The following KCNMA1 variants were observed in gnomAD, a reference collection of about 807,000 sequenced individuals.
KCNMA1 encodes Calcium-activated potassium channel subunit alpha-1.
KCNMA1 carries 29 observed loss-of-function variants against 140.0 expected under a neutral mutation model. The ratio of observed to expected loss-of-function variants is 0.21; its 90% CI spans 0.15 to 0.28. The LOEUF is 0.28. Among genes scored for constraint, KCNMA1 ranks in the 10% least tolerant of loss-of-function variants. The pLI is 1.00. For missense variants in KCNMA1, 880 were observed against 1,602.2 expected (o/e 0.55, Z 7.70); for synonymous variants, 612 against 611.9 (o/e 1.00, Z 0.00).
At chr10:76,984,886 A>G (rs2080777871) in intron 19 of KCNMA1, among the ~76,000 whole-genome samples, 3 of 152,238 alleles carry the variant, frequency 2.0e-5, no homozygotes, top group South Asian at 2.1e-4. Flanking sequence ...CAACAGTTTT[A>G]GATATTTATT....
At chr10:77,428,284 A>AAGAAAGG (rs2097070555) in intron 1 of KCNMA1, among the ~76,000 whole-genome samples, 1 of 152,156 alleles carries the variant, frequency 6.6e-6, no homozygotes, top group Non-Finnish European at 1.5e-5. Flanking sequence ...CCTGCTCATC[A>AAGAAAGG]CTGCCTATGT....
At chr10:77,443,856 AGG>A (rs2097464161) in intron 1 of KCNMA1, among the ~76,000 whole-genome samples, 1 of 152,240 alleles carries the variant, frequency 6.6e-6, no homozygotes, top group Admixed American at 6.5e-5. Flanking sequence ...ATAGATCAGT[AGG>A]GTGACTATAG....
chr10:77,623,821 G>C (rs2091999848), intron 1 of KCNMA1, among the ~76,000 whole-genome samples: 1 of 152,166 alleles, frequency 6.6e-6, no homozygotes, highest in Non-Finnish European at 1.5e-5. Flanking sequence ...ATTGCAGCAA[G>C]TCCTACACAA....
intron 3 of KCNMA1, among the ~76,000 whole-genome samples, chr10:77,244,888 C>T (rs952505388): frequency 7.9e-5 from 12 of 152,178 alleles, no homozygotes; most frequent in Non-Finnish European, 1.8e-4. Context: ...GTGGGCTCGG[C>T]TCCTCTACCA....
At chr10:77,248,028 T>C (rs1443162964) in intron 3 of KCNMA1, among the ~76,000 whole-genome samples, 1 of 152,102 alleles carries the variant, frequency 6.6e-6, no homozygotes, top group African/African-American at 2.4e-5. Flanking sequence ...CTTTGCCTAA[T>C]GGCCAAAAAT....
At chr10:77,340,514 T>G (rs1326710524) in intron 2 of KCNMA1, among the ~76,000 whole-genome samples, 3 of 152,100 alleles carry the variant, frequency 2.0e-5, no homozygotes, top group Non-Finnish European at 2.9e-5. Flanking sequence ...ATATACACCA[T>G]GGAACACTAT....
intron 1 of KCNMA1, among the ~76,000 whole-genome samples, chr10:77,452,566 C>T (rs1757030715): frequency 6.6e-6 from 1 of 152,164 alleles, no homozygotes; most frequent in African/African-American, 2.4e-5. Context: ...TCCTTTCATG[C>T]GATGGAGGTT....
At chr10:77,609,618 A>G (rs906199408) in intron 1 of KCNMA1, among the ~76,000 whole-genome samples, 1 of 152,244 alleles carries the variant, frequency 6.6e-6, no homozygotes, top group African/African-American at 2.4e-5. Context: ...TAGGTATATG[A>G]GATAATGCAT....
intron 3 of KCNMA1, among the ~76,000 whole-genome samples, chr10:77,202,712 T>C (rs1230741151): frequency 1.3e-5 from 2 of 152,136 alleles, no homozygotes; most frequent in African/African-American, 4.8e-5. Context: ...AGAAGAGATG[T>C]TTTGGAGTAT....
At chr10:77,541,723 T>C (rs936737007) in intron 1 of KCNMA1, among the ~76,000 whole-genome samples, 2 of 152,128 alleles carry the variant, frequency 1.3e-5, no homozygotes, top group Admixed American at 6.5e-5. Flanking sequence ...TGGTTCTCAG[T>C]CTTGGAAGCA....
intron 14 of KCNMA1, chr10:77,071,765 A>C (rs1384289522): frequency 2.0e-5 from 3 of 152,212 alleles, no homozygotes; most frequent in Non-Finnish European, 2.9e-5. Flanking sequence ...ATCCCTTGCT[A>C]TCAGTGTTGC....
chr10:77,335,447 G>A (rs1037810576), intron 2 of KCNMA1, among the ~76,000 whole-genome samples: 4 of 152,170 alleles, frequency 2.6e-5, no homozygotes, highest in African/African-American at 9.7e-5. Context: ...CTCAACCCTA[G>A]CATCCATCAG....
chr10:77,007,949 C>T (rs372293590), intron 18 of KCNMA1, among the ~76,000 whole-genome samples: 3 of 151,890 alleles, frequency 2.0e-5, no homozygotes, highest in African/African-American at 4.8e-5. Context: ...GGCCAGAGCC[C>T]GGGGACTGGG....
intron 2 of KCNMA1, among the ~76,000 whole-genome samples, chr10:77,266,898 T>C (rs368275989): frequency 7.2e-5 from 11 of 152,338 alleles, no homozygotes; most frequent in African/African-American, 2.6e-4. Flanking sequence ...AGCTTTGTGC[T>C]AAGCCTGAAT....
intron 2 of KCNMA1, among the ~76,000 whole-genome samples, chr10:77,403,295 A>T (rs908577331): frequency 6.6e-6 from 1 of 152,190 alleles, no homozygotes; most frequent in Non-Finnish European, 1.5e-5. Flanking sequence ...AGCGAGCTCT[A>T]GGTACACGGG....
chr10:77,206,379 G>T (rs947749527), intron 3 of KCNMA1, among the ~76,000 whole-genome samples: 7 of 152,264 alleles, frequency 4.6e-5, no homozygotes, highest in Non-Finnish European at 1.0e-4. Flanking sequence ...TCATTGAGTG[G>T]TGTTGTGGAG....
At chr10:77,199,086 C>T (rs755416885) in intron 3 of KCNMA1, among the ~76,000 whole-genome samples, 1 of 152,106 alleles carries the variant, frequency 6.6e-6, no homozygotes, top group Non-Finnish European at 1.5e-5. Flanking sequence ...GGATTCCTCC[C>T]GACACTACCT....
chr10:76,885,169 C>A lies in KCNMA1; in HGVS notation c.*2097G>T, dbSNP rs899161953. 4.8e-6 allele frequency: 6 copies of A among 1,260,888 alleles called. No individual in the cohort carries two copies. In the African/African-American group the frequency reaches 9.4e-5, roughly 20 times the overall value. 78.1% of individuals were successfully genotyped at this position (1,260,888 alleles called of 1,614,324 possible). ...CTTTGCAAAGAATGCATGAAGAGCT[C>A]TTCATGATCCAATACTAGGGGATAC... is the stretch of plus-strand genomic sequence containing the variant. On this transcript the variant is annotated 3_prime_UTR_variant, in exon 28 of 28. Coordinates refer to ENST00000286628, the MANE Select transcript of KCNMA1 (RefSeq NM_001161352.2).
At chr10:77,491,763 T>C (rs974327059) in intron 1 of KCNMA1, among the ~76,000 whole-genome samples, 1 of 150,538 alleles carries the variant, frequency 6.6e-6, no homozygotes, top group African/African-American at 2.5e-5. Flanking sequence ...ACCCTACATA[T>C]ACCACCAGGG....
Sources: allele counts gnomAD v4.1 joint callset (sites outside exome capture counted in the v4.1 genomes callset), GRCh38; gene constraint gnomAD v4.1.1; transcripts MANE v1.5; gene names NCBI Gene and HGNC (gene_info 2026-07-23, HGNC 2026-07-21).